The following BOP1 variants were observed in gnomAD, a reference collection of about 807,000 sequenced individuals.
BOP1 encodes BOP1 ribosomal biogenesis factor.
In BOP1, 54 loss-of-function variants were observed where a neutral mutation model predicts 82.9. The ratio of observed to expected loss-of-function variants is 0.65; its 90% CI spans 0.52 to 0.82. The LOEUF (loss-of-function observed/expected upper bound fraction) is 0.82. Ranked by LOEUF, BOP1 falls within the 40% of genes least tolerant of loss-of-function variation. The probability of loss-of-function intolerance (pLI) is 0.00; values close to 1 mark genes in which losing one functional copy is unlikely to be tolerated. For missense variants in BOP1, 1,170 were observed against 1,072.0 expected (o/e 1.09, Z -1.28); for synonymous variants, 566 against 451.1 (o/e 1.25, Z -3.23).
intron 3 of BOP1, among the ~76,000 whole-genome samples, chr8:144,274,665 C>A (rs1175306011): frequency 1.3e-5 from 2 of 152,212 alleles, no homozygotes; most frequent in African/African-American, 4.8e-5. Flanking sequence ...ATAGTCATCA[C>A]TGGAGGAAGC....
chr8:144,288,961 G>T, intron 2 of BOP1, 134 bp downstream of exon 2: 1 of 896,714 alleles, frequency 1.1e-6, no homozygotes, highest in Non-Finnish European at 1.7e-6. Context: ...GCGTGCCCCA[G>T]GTGCAGTGAA....
intron 3 of BOP1, among the ~76,000 whole-genome samples, chr8:144,267,626 C>T (rs1278817052): frequency 2.0e-5 from 3 of 152,244 alleles, no homozygotes; most frequent in African/African-American, 7.2e-5. Context: ...ATCTTGGGCA[C>T]CTGCTGTCCG....
intron 2 of BOP1, among the ~76,000 whole-genome samples, chr8:144,288,455 G>A (rs1814943755): frequency 1.7e-5 from 1 of 59,066 alleles, no homozygotes; most frequent in African/African-American, 3.6e-5. Context: ...TTGAACCCAG[G>A]GGATGGAGGT....
At chr8:144,276,768 G>A (rs1204931661) in intron 2 of BOP1, among the ~76,000 whole-genome samples, 10 of 152,202 alleles carry the variant, frequency 6.6e-5, no homozygotes, top group Admixed American at 2.0e-4. Context: ...AGACGCAGCC[G>A]TCGCAGCAGG....
chr8:144,265,454 G>T (rs1015122634), intron 3 of BOP1: 2 of 320,556 alleles, frequency 6.2e-6, no homozygotes, highest in Non-Finnish European at 1.2e-5. Context: ...GCTATAAGAC[G>T]GGGACTCGGG....
chr8:144,266,663 C>T, intron 3 of BOP1: 1 of 1,261,114 alleles, frequency 7.9e-7, no homozygotes, highest in Non-Finnish European at 1.0e-6. Context: ...TACCTGTACC[C>T]CGAGGTGAGC....
chr8:144,272,504 G>A (rs899843949), intron 3 of BOP1, among the ~76,000 whole-genome samples: 3 of 152,086 alleles, frequency 2.0e-5, no homozygotes, highest in Non-Finnish European at 2.9e-5. Context: ...TGCCTTCCCC[G>A]GCTCCACTCC....
At chr8:144,289,925 C>A (rs1814988851) in intron 1 of BOP1, among the ~76,000 whole-genome samples, 1 of 152,246 alleles carries the variant, frequency 6.6e-6, no homozygotes, top group Non-Finnish European at 1.5e-5. Flanking sequence ...CGCAACCACG[C>A]ACCAACCCAC....
Position 144,262,046 on chromosome 8 carries a change from G to T in BOP1, c.*118C>A. ...TTGAGTGAGGGGAAGGCTCGGCGCT[G>T]TGGTGGGGGCGGCTTTGTTGGCAAC... On this transcript the variant is annotated 3_prime_UTR_variant, in exon 16 of 16. Coordinates refer to ENST00000569669, the MANE Select transcript of BOP1 (RefSeq NM_015201.5). 2 of 1,447,842 alleles carry T rather than the reference G, an allele frequency of 1.4e-6. No individual in the cohort carries two copies. Among genetic ancestry groups the T allele is most frequent in the Non-Finnish European group, 1.9e-6 (2 of 1,054,470 alleles). 89.7% of individuals were successfully genotyped at this position (1,447,842 alleles called of 1,614,324 possible). A position where few individuals can be genotyped will look rare whatever the true frequency, so the allele number is the denominator to read the frequency against.
intron 2 of BOP1, among the ~76,000 whole-genome samples, chr8:144,277,388 C>T (rs1325318558): frequency 6.6e-6 from 1 of 152,242 alleles, no homozygotes; most frequent in Admixed American, 6.5e-5. Flanking sequence ...GCAGCAGATC[C>T]GTGACCCCGG....
intron 3 of BOP1, among the ~76,000 whole-genome samples, chr8:144,275,144 G>C (rs983449282): frequency 1.3e-5 from 2 of 152,144 alleles, no homozygotes; most frequent in Admixed American, 6.5e-5. Context: ...CAGGCCCCCC[G>C]GGGACAGTTC....
chr8:144,284,969 C>T (rs554296027), intron 2 of BOP1, among the ~76,000 whole-genome samples: 23 of 152,164 alleles, frequency 1.5e-4, no homozygotes, highest in South Asian at 8.3e-4. Flanking sequence ...CAGCAGTCAC[C>T]GGGCTCCCCG....
At chr8:144,268,144 A>T in intron 3 of BOP1, 5 of 1,551,244 alleles carry the variant, frequency 3.2e-6, no homozygotes, top group South Asian at 1.2e-5. Flanking sequence ...CGCAGTTAGG[A>T]GGTGGCCGGC....
At chr8:144,278,316 C>T (rs1845606849) in intron 2 of BOP1, among the ~76,000 whole-genome samples, 1 of 152,182 alleles carries the variant, frequency 6.6e-6, no homozygotes, top group African/African-American at 2.4e-5. Context: ...GTGGCCTCTG[C>T]CCAGCCCCAG....
chr8:144,279,798 A>G (rs1845640767), intron 2 of BOP1, among the ~76,000 whole-genome samples: 1 of 152,192 alleles, frequency 6.6e-6, no homozygotes, highest in Non-Finnish European at 1.5e-5. Context: ...TGCCTGGCAC[A>G]GGAGACCACG....
chr8:144,286,150 AG>A (rs1287823353), intron 2 of BOP1, among the ~76,000 whole-genome samples: 1 of 152,056 alleles, frequency 6.6e-6, no homozygotes, highest in Non-Finnish European at 1.5e-5. Context: ...TCTGATGAAC[AG>A]GGGGGAAAAG....
chr8:144,288,246 GGC>G, intron 2 of BOP1, among the ~76,000 whole-genome samples: 1 of 150,910 alleles, frequency 6.6e-6, no homozygotes, highest in Admixed American at 6.6e-5. Flanking sequence ...CTCCAGCCTG[GGC>G]AACAGAGCAA....
Position 144,262,276 on chromosome 8 carries a change from A to G in BOP1, c.2129T>C (p.Leu710Pro). The change falls in exon 16 of 16, where the codon CTG becomes CCG. Residue 710 changes from leucine (L) to proline (P), a missense_variant. Transcript: ENST00000569669. ...ATCTCGGGTCAGCACGTGTCCCTTC[A>G]GCACCTTGACGGGCACCAGCAAGGG... ...QNPLLVPVKVLKGHVLTRDLG... is the reference protein window; with the variant it reads ...QNPLLVPVKVPKGHVLTRDLG... The G allele has an allele frequency of 1.2e-6, 2 of 1,612,868 alleles. No homozygotes were observed. Among genetic ancestry groups the G allele is most frequent in the Non-Finnish European group, 1.7e-6 (2 of 1,179,814 alleles).
chr8:144,264,572 C>A lies in BOP1; in HGVS notation c.708G>T (p.Val236=). 6.2e-7 allele frequency: 1 copy of A among 1,609,292 alleles called. No homozygotes were observed. The highest frequency in any genetic ancestry group is 8.5e-7 in the Non-Finnish European group (1 of 1,178,480). Residue 236 remains valine (V), a synonymous_variant, in exon 6 of 16, where the codon GTG becomes GTT. Coordinates refer to ENST00000569669, the MANE Select transcript of BOP1 (RefSeq NM_015201.5). ...TGCGCTTGTCGGCCGGGCGGTTGGT[C>A]ACCGGGTGGATCATGACGTCCCCGC... ...FFSGDVMIHP[V]TNRPADKRSF... is the part of the protein sequence containing the mutation.
Sources: allele counts gnomAD v4.1 joint callset (sites outside exome capture counted in the v4.1 genomes callset), GRCh38; gene constraint gnomAD v4.1.1; transcripts MANE v1.5; gene names NCBI Gene and HGNC (gene_info 2026-07-23, HGNC 2026-07-21).